The following PDZRN4 variants were observed in gnomAD, a reference collection of about 807,000 sequenced individuals.
The protein encoded by PDZRN4 is PDZ domain containing ring finger 4.
A neutral mutation model predicts 99.0 loss-of-function variants in PDZRN4; 70 were observed. That is an observed-to-expected ratio of 0.71 (90% CI 0.58 to 0.86). The LOEUF (loss-of-function observed/expected upper bound fraction) is 0.86, where lower values mean the gene tolerates loss of function less well. Among genes scored for constraint, PDZRN4 ranks in the 40% least tolerant of loss-of-function variants. The pLI is 0.00. For missense variants in PDZRN4, 1,474 were observed against 1,331.2 expected, an observed-to-expected ratio of 1.11 and a Z score of -1.67; for synonymous variants, 551 against 501.6, an observed-to-expected ratio of 1.10 and a Z score of -1.32.
intron 2 of PDZRN4, among the ~76,000 whole-genome samples, chr12:41,191,943 C>G (rs1319321619): frequency 2.0e-5 from 3 of 151,732 alleles, no homozygotes; most frequent in Non-Finnish European, 4.4e-5. Context: ...CCACCACACC[C>G]GGCTAATTTT....
At chr12:41,552,836 C>G in intron 6 of PDZRN4, 82 bp downstream of exon 6, 1 of 1,037,586 alleles carries the variant, frequency 9.6e-7, no homozygotes, top group East Asian at 2.4e-5. Flanking sequence ...GAAAACCCTT[C>G]CTTCAGAGGC....
intron 3 of PDZRN4, among the ~76,000 whole-genome samples, chr12:41,436,146 C>T (rs543412511): frequency 2.0e-5 from 3 of 152,152 alleles, no homozygotes; most frequent in Non-Finnish European, 4.4e-5. Context: ...TTCTAATTTG[C>T]TAGAAGTCCT....
At chr12:41,375,092 G>A (rs774495642) in intron 3 of PDZRN4, among the ~76,000 whole-genome samples, 12 of 152,118 alleles carry the variant, frequency 7.9e-5, no homozygotes, top group Admixed American at 2.6e-4. Flanking sequence ...GATAGGAGCC[G>A]AGGCTGTAAA....
chr12:41,448,482 A>C (rs966165050), intron 3 of PDZRN4, among the ~76,000 whole-genome samples: 1 of 147,584 alleles, frequency 6.8e-6, no homozygotes, highest in African/African-American at 2.6e-5. Flanking sequence ...CACAACTTAA[A>C]GTATAGTCAG....
At chr12:41,341,632 A>G (rs1034384749) in intron 3 of PDZRN4, among the ~76,000 whole-genome samples, 33 of 151,980 alleles carry the variant, frequency 2.2e-4, no homozygotes, top group African/African-American at 7.5e-4. Context: ...GAACAAACTT[A>G]ACCAAGAAGG....
At chr12:41,450,267 T>C (rs1952763923) in intron 3 of PDZRN4, among the ~76,000 whole-genome samples, 1 of 152,158 alleles carries the variant, frequency 6.6e-6, no homozygotes, top group Non-Finnish European at 1.5e-5. Flanking sequence ...GAAAAATATA[T>C]GAAAATAAAG....
intron 3 of PDZRN4, among the ~76,000 whole-genome samples, chr12:41,251,755 G>A (rs560314306): frequency 2.0e-5 from 3 of 152,244 alleles, no homozygotes; most frequent in Admixed American, 1.3e-4. Context: ...TGTGTGGTCA[G>A]ATTACAATAT....
chr12:41,277,250 T>G (rs1029280942), intron 3 of PDZRN4, among the ~76,000 whole-genome samples: 2 of 152,178 alleles, frequency 1.3e-5, no homozygotes, highest in African/African-American at 2.4e-5. Flanking sequence ...GCATCTGAAC[T>G]TGGGTACTAA....
At chr12:41,491,523 A>AAAAC (rs1237678144) in intron 3 of PDZRN4, among the ~76,000 whole-genome samples, 2 of 152,138 alleles carry the variant, frequency 1.3e-5, no homozygotes, top group East Asian at 1.9e-4. Context: ...CTCCATCTCA[A>AAAAC]AAACAAACAA....
intron 3 of PDZRN4, among the ~76,000 whole-genome samples, chr12:41,262,936 T>C (rs1242520371): frequency 6.6e-6 from 1 of 151,870 alleles, no homozygotes; most frequent in Non-Finnish European, 1.5e-5. Context: ...ATTTTTTAAG[T>C]AGGGATAAAA....
chr12:41,295,953 ACAGAC>A (rs1951490726), intron 3 of PDZRN4, among the ~76,000 whole-genome samples: 2 of 152,198 alleles, frequency 1.3e-5, no homozygotes, highest in African/African-American at 4.8e-5. Context: ...GCCTGCAGGC[ACAGAC>A]CATCCATTTC....
chr12:41,407,299 T>A (rs1046211068), intron 3 of PDZRN4, among the ~76,000 whole-genome samples: 3 of 152,210 alleles, frequency 2.0e-5, no homozygotes, highest in Non-Finnish European at 4.4e-5. Flanking sequence ...AGAAGGCTTC[T>A]AAGTTCTGTG....
At chr12:41,555,274 C>G (rs1939137562) in intron 6 of PDZRN4, among the ~76,000 whole-genome samples, 1 of 144,864 alleles carries the variant, frequency 6.9e-6, no homozygotes, top group Non-Finnish European at 1.5e-5. Flanking sequence ...CGGACTTACA[C>G]TACAGCTATC....
intron 3 of PDZRN4, among the ~76,000 whole-genome samples, chr12:41,327,238 G>A (rs1482888289): frequency 3.9e-5 from 6 of 152,020 alleles, no homozygotes; most frequent in African/African-American, 1.4e-4. Context: ...TCTTTCTTCA[G>A]CTGTTAGCTA....
intron 3 of PDZRN4, among the ~76,000 whole-genome samples, chr12:41,310,013 A>C (rs1353886787): frequency 6.6e-6 from 1 of 151,958 alleles, no homozygotes; most frequent in African/African-American, 2.4e-5. Flanking sequence ...GCTCACTGCA[A>C]CCTCTGTCTC....
intron 3 of PDZRN4, among the ~76,000 whole-genome samples, chr12:41,406,117 A>G (rs1009445527): frequency 1.3e-5 from 2 of 152,218 alleles, no homozygotes; most frequent in African/African-American, 2.4e-5. Context: ...TTCAATAATA[A>G]AAAACATTAA....
intron 3 of PDZRN4, among the ~76,000 whole-genome samples, chr12:41,349,899 A>C (rs2121035670): frequency 6.6e-6 from 1 of 152,094 alleles, no homozygotes; most frequent in African/African-American, 2.4e-5. Flanking sequence ...ATTATTGAAA[A>C]ATTATATGAG....
At chr12:41,203,956 A>G (rs1286046181) in intron 3 of PDZRN4, among the ~76,000 whole-genome samples, 2 of 152,072 alleles carry the variant, frequency 1.3e-5, no homozygotes, top group Non-Finnish European at 2.9e-5. Context: ...TCACTGGGGT[A>G]TATACCTAAC....
At chr12:41,291,961 C>A (rs1030116213) in intron 3 of PDZRN4, among the ~76,000 whole-genome samples, 1 of 152,118 alleles carries the variant, frequency 6.6e-6, no homozygotes, top group African/African-American at 2.4e-5. Context: ...ACCAGGATAA[C>A]TGGAAATATA....
Sources: allele counts gnomAD v4.1 joint callset (sites outside exome capture counted in the v4.1 genomes callset), GRCh38; gene constraint gnomAD v4.1.1; transcripts MANE v1.5; gene names NCBI Gene and HGNC (gene_info 2026-07-23, HGNC 2026-07-21).